SAMD5: variants seen among roughly 807,000 people sequenced by gnomAD.
SAMD5 encodes the protein sterile alpha motif domain containing 5.
In SAMD5, 13 loss-of-function variants were observed where a neutral mutation model predicts 11.3. The observed-to-expected ratio is 1.15, with a 90% CI of 0.75 to 1.83. The LOEUF is 1.83. SAMD5 is among the 40% of genes most tolerant of loss of function. The pLI is 0.00. For synonymous variants in SAMD5, 129 were observed against 111.3 expected, an observed-to-expected ratio of 1.16 and a Z score of -1.00; for missense variants, 255 against 239.1, an observed-to-expected ratio of 1.07 and a Z score of -0.44.
rs1425671131 is a variant in SAMD5, at chr6:147,564,489, G to C, written c.*33G>C. On this transcript the variant is annotated 3_prime_UTR_variant, in exon 2 of 2. Transcript: ENST00000367474. ...TTTTGAGACCTCGTGGAGGACTGAT[G>C]AGGTGCCTGAAGACTGGAAAAGGGC... 1 of 800,100 alleles carries C rather than the reference G, an allele frequency of 1.2e-6. No individual in the cohort carries two copies. Among genetic ancestry groups the C allele is most frequent in the Admixed American group, 1.7e-5 (1 of 58,882 alleles). 49.6% of individuals were successfully genotyped at this position (800,100 alleles called of 1,614,324 possible).
the SAMD5 span, among the ~76,000 whole-genome samples, chr6:147,865,372 G>A: frequency 6.6e-6 from 1 of 151,138 alleles, no homozygotes; most frequent in Non-Finnish European, 1.5e-5. Flanking sequence ...TAGAAAGAGG[G>A]AGAGAGATAG....
chr6:147,750,257 A>G, the SAMD5 span, among the ~76,000 whole-genome samples: 10 of 152,256 alleles, frequency 6.6e-5, no homozygotes, highest in Admixed American at 6.5e-4. Flanking sequence ...TCTGCTTTAA[A>G]TCACAGATGA....
At chr6:147,803,182 T>TG in the SAMD5 span, among the ~76,000 whole-genome samples, 9 of 145,810 alleles carry the variant, frequency 6.2e-5, no homozygotes, top group East Asian at 2.0e-4. Flanking sequence ...TGTGTGTGTG[T>TG]TTTACATAGA....
the SAMD5 span, among the ~76,000 whole-genome samples, chr6:147,946,061 A>C: frequency 2.4e-3 from 367 of 152,242 alleles, 6 homozygotes; most frequent in East Asian, 0.015. Flanking sequence ...TTAGCTACCA[A>C]CTGGACTGTG....
At chr6:147,932,920 A>T in the SAMD5 span, among the ~76,000 whole-genome samples, 5 of 152,144 alleles carry the variant, frequency 3.3e-5, no homozygotes, top group Non-Finnish European at 5.9e-5. Flanking sequence ...TTATGTAAAA[A>T]CAGTATTTTA....
At chr6:147,924,687 A>T in the SAMD5 span, among the ~76,000 whole-genome samples, 71 of 151,802 alleles carry the variant, frequency 4.7e-4, no homozygotes, top group African/African-American at 1.6e-3. Flanking sequence ...ACCAAACAAA[A>T]CTAAAATAAA....
intron 1 of SAMD5, among the ~76,000 whole-genome samples, chr6:147,537,107 C>T (rs114345509): frequency 6.6e-6 from 1 of 152,008 alleles, no homozygotes; most frequent in Non-Finnish European, 1.5e-5. Flanking sequence ...GTAATTATTA[C>T]TGATAACATA....
chr6:147,585,991 G>GA (rs1162876538), intron 1 of SAMD5, among the ~76,000 whole-genome samples: 2 of 152,066 alleles, frequency 1.3e-5, no homozygotes, highest in Non-Finnish European at 1.5e-5. Flanking sequence ...GGTCATGACA[G>GA]AAAAAAATGG....
rs144551152 is a variant in SAMD5, at chr6:147,726,518, G to GGGCCCAGGCCCA, written c.163-10790_163-10779dup. Among the ~76,000 whole-genome samples, 17 of 152,204 alleles carry GGGCCCAGGCCCA rather than the reference G, an allele frequency of 1.1e-4. No individual in the cohort carries two copies. In the South Asian group the frequency reaches 3.1e-3, roughly 28 times the overall value. ...GCAGTCTGTATGCCAGGCCTGCCTG[G>GGGCCCAGGCCCA]GGCCCAGGCCCAGGCCCAGGTCCAG... On this transcript the variant is annotated intron_variant, in intron 1 of 1. Transcript: ENST00000566741.
the SAMD5 span, among the ~76,000 whole-genome samples, chr6:147,843,099 G>A: frequency 6.6e-6 from 1 of 152,114 alleles, no homozygotes; most frequent in Non-Finnish European, 1.5e-5. Context: ...CTTGACCTCA[G>A]GTAATCTACC....
At chr6:147,849,750 A>G in the SAMD5 span, among the ~76,000 whole-genome samples, 1 of 152,254 alleles carries the variant, frequency 6.6e-6, no homozygotes, top group Non-Finnish European at 1.5e-5. Context: ...AAAGGAACAC[A>G]GCCTATCACC....
At chr6:147,917,822 C>T in the SAMD5 span, among the ~76,000 whole-genome samples, 2 of 152,140 alleles carry the variant, frequency 1.3e-5, no homozygotes, top group Admixed American at 1.3e-4. Flanking sequence ...GGAATCCTTT[C>T]CCCATTTCTT....
the SAMD5 span, among the ~76,000 whole-genome samples, chr6:147,918,008 T>C: frequency 1.3e-5 from 2 of 152,332 alleles, no homozygotes; most frequent in South Asian, 2.1e-4. Flanking sequence ...TCCAGCTTTG[T>C]TCTTTTTGCT....
At chr6:147,831,854 T>C in the SAMD5 span, among the ~76,000 whole-genome samples, 1 of 152,348 alleles carries the variant, frequency 6.6e-6, no homozygotes, top group African/African-American at 2.4e-5. Context: ...ATTTTGGCTG[T>C]CAGAGCAAGA....
At chr6:147,619,712 C>G (rs887565100) in intron 1 of SAMD5, among the ~76,000 whole-genome samples, 1 of 152,220 alleles carries the variant, frequency 6.6e-6, no homozygotes, top group Non-Finnish European at 1.5e-5. Flanking sequence ...TCAGGGCCTA[C>G]AGATAACTGT....
At chr6:147,574,610 T>C (rs1789191178), downstream of SAMD5, among the ~76,000 whole-genome samples, 1 of 152,176 alleles carries the variant, frequency 6.6e-6, no homozygotes, top group South Asian at 2.1e-4. Context: ...AAAGAATAGA[T>C]ATTTATTTTC....
chr6:147,860,998 C>T, the SAMD5 span, among the ~76,000 whole-genome samples: 1 of 152,070 alleles, frequency 6.6e-6, no homozygotes, highest in Non-Finnish European at 1.5e-5. Context: ...TAAGATTTCC[C>T]TTGCCATAGT....
At chr6:147,561,482 G>T (rs551829097) in intron 1 of SAMD5, among the ~76,000 whole-genome samples, 1 of 152,130 alleles carries the variant, frequency 6.6e-6, no homozygotes, top group Admixed American at 6.5e-5. Context: ...GAGCCACTGT[G>T]CCTGGCTGGC....
At chr6:147,851,207 G>A in the SAMD5 span, among the ~76,000 whole-genome samples, 1 of 152,086 alleles carries the variant, frequency 6.6e-6, no homozygotes, top group African/African-American at 2.4e-5. Flanking sequence ...GCCTCCCAAA[G>A]TGCTGGGATT....
Sources: allele counts gnomAD v4.1 joint callset (sites outside exome capture counted in the v4.1 genomes callset), GRCh38; gene constraint gnomAD v4.1.1; transcripts MANE v1.5; gene names NCBI Gene and HGNC (gene_info 2026-07-23, HGNC 2026-07-21).